Variants in VCP observed in about 807,000 individuals in gnomAD.
VCP encodes transitional endoplasmic reticulum ATPase.
In VCP, 6 loss-of-function variants were observed where a neutral mutation model predicts 85.7. The ratio of observed to expected loss-of-function variants is 0.07; its 90% CI spans 0.04 to 0.14. VCP has a LOEUF of 0.14. Ranked by LOEUF, VCP falls within the 10% of genes least tolerant of loss-of-function variation. The pLI is 1.00. For missense variants in VCP, 353 were observed against 1,043.4 expected (o/e 0.34, Z 9.12); for synonymous variants, 384 against 367.1 (o/e 1.05, Z -0.53).
intron 7 of VCP, 123 bp downstream of exon 7, chr9:35,062,855 G>T: frequency 2.2e-6 from 2 of 916,134 alleles, no homozygotes; most frequent in Non-Finnish European, 1.8e-6. Flanking sequence ...CCCAGCATAA[G>T]AAATATGCTA....
chr9:35,069,071 C>T (rs1828888449), intron 1 of VCP, among the ~76,000 whole-genome samples: 1 of 152,116 alleles, frequency 6.6e-6, no homozygotes, highest in Admixed American at 6.5e-5. Flanking sequence ...ATTGGTGCTA[C>T]CCTCCTTATA....
intron 15 of VCP, among the ~76,000 whole-genome samples, chr9:35,058,590 G>A (rs1984059): frequency 0.19 from 29,465 of 151,900 alleles, 3,082 homozygotes; most frequent in Middle Eastern, 0.26. Flanking sequence ...GTGAAACCAC[G>A]TTTCTACTAA....
intron 3 of VCP, among the ~76,000 whole-genome samples, chr9:35,067,585 G>A (rs1269938154): frequency 6.6e-6 from 1 of 152,136 alleles, no homozygotes; most frequent in Non-Finnish European, 1.5e-5. Context: ...ACACCCTCGA[G>A]TGGTATCCTA....
intron 9 of VCP, 67 bp from the exon 10 acceptor site, chr9:35,061,756 G>T: frequency 6.9e-7 from 1 of 1,444,112 alleles, no homozygotes; most frequent in Non-Finnish European, 9.8e-7. Flanking sequence ...CAGGCCTAGG[G>T]TGACCAACCA....
At chr9:35,058,301 G>T (rs1159804891) in intron 15 of VCP, among the ~76,000 whole-genome samples, 1 of 152,174 alleles carries the variant, frequency 6.6e-6, no homozygotes, top group Non-Finnish European at 1.5e-5. Flanking sequence ...CCCATGTTTG[G>T]AACTTAATGA....
At chr9:35,058,397 T>C (rs1413713066) in intron 15 of VCP, among the ~76,000 whole-genome samples, 1 of 152,158 alleles carries the variant, frequency 6.6e-6, no homozygotes, top group African/African-American at 2.4e-5. Flanking sequence ...ACACATGAAT[T>C]TGCCTTTTCA....
intron 13 of VCP, 107 bp downstream of exon 13, chr9:35,060,206 C>T: frequency 1.7e-6 from 2 of 1,154,296 alleles, no homozygotes; most frequent in Admixed American, 2.0e-5. Flanking sequence ...ACTTACTGTG[C>T]AGTTGAGCAG....
chr9:35,064,775 G>A (rs1381554736), intron 5 of VCP, among the ~76,000 whole-genome samples: 1 of 152,154 alleles, frequency 6.6e-6, no homozygotes, highest in Admixed American at 6.6e-5. Flanking sequence ...TGAAATTCCT[G>A]GCATTAGGTA....
intron 1 of VCP, 49 bp from the exon 2 acceptor site, chr9:35,068,411 G>A (rs777277316): frequency 1.7e-5 from 26 of 1,496,084 alleles, no homozygotes; most frequent in Non-Finnish European, 2.0e-5. Flanking sequence ...CAAGCGCCTC[G>A]CCAGTCTCTA....
chr9:35,056,187 G>C lies in VCP; in HGVS notation c.*930C>G, dbSNP rs771741211. On this transcript the variant is annotated 3_prime_UTR_variant, in exon 17 of 17. Transcript: ENST00000358901. ...TTTAGATGCATTAAAAGAGAGTATAGAGAATATCCACCTGCAAGTAAGATT... is the reference window on the plus strand; with the variant it reads ...TTTAGATGCATTAAAAGAGAGTATACAGAATATCCACCTGCAAGTAAGATT... 1 of 152,026 alleles carries C rather than the reference G, an allele frequency of 6.6e-6. No homozygotes were observed. The highest frequency in any genetic ancestry group is 1.5e-5 in the Non-Finnish European group (1 of 68,028). The allele number at this position is 152,026 out of a possible 1,614,324, so 9.4% of individuals were successfully genotyped here.
intron 7 of VCP, 29 bp from the exon 8 acceptor site, chr9:35,062,379 CA>C (rs1412424409): frequency 6.8e-6 from 11 of 1,613,846 alleles, no homozygotes; most frequent in Non-Finnish European, 9.3e-6. Context: ...GAGACAATAA[CA>C]AAATGATAGT....
At position 35,057,128 on chromosome 9, in the gene VCP, G is replaced by A. The variant is rs752679944; in HGVS notation, c.2410C>T (p.Leu804=). 9.9e-6 allele frequency: 16 copies of A among 1,613,986 alleles called. No individual in the cohort carries two copies. Among genetic ancestry groups the A allele is most frequent in the Non-Finnish European group, 1.4e-5 (16 of 1,180,028 alleles). ...SVYTEDNDDD[L]YG ...CTGGCCACCACCACTTAGCCATACA[G>A]GTCATCATCATTGTCTTCTGTGTAT... Residue 804 remains leucine, a synonymous_variant, in exon 17 of 17, where the codon CTG becomes TTG. Coordinates refer to ENST00000358901, the MANE Select transcript of VCP (RefSeq NM_007126.5).
In VCP at chr9:35,059,632, G is replaced by A; in HGVS notation, c.1865C>T (p.Ala622Val). 6.2e-7 allele frequency: 1 copy of A among 1,614,182 alleles called. No individual in the cohort carries two copies. The highest frequency in any genetic ancestry group is 8.5e-7 in the Non-Finnish European group (1 of 1,180,044). Residue 622 changes from alanine to valine, a missense_variant, in exon 14 of 17, where the codon GCT (alanine) becomes GTT (valine). By Grantham distance (64) the Ala-to-Val change is moderately conservative. This residue lies in a region of VCP where 30 missense variants were observed against 192.3 expected (regional missense o/e 0.16). Transcript: ENST00000358901. The surrounding 1 kb of genome is among the most constrained non-coding windows in gnomAD (Gnocchi z 4.9). ...STKKNVFIIG[A>V]TNRPDIIDPA... ...ATCAATGATGTCAGGCCGGTTGGTAGCGCCAATGATGAACACATTTTTTTT... is the reference window on the plus strand; with the variant it reads ...ATCAATGATGTCAGGCCGGTTGGTAACGCCAATGATGAACACATTTTTTTT...
chr9:35,057,427 T>C lies in VCP; in HGVS notation c.2264A>G (p.Tyr755Cys). 6.2e-7 allele frequency: 1 copy of C among 1,614,248 alleles called. No homozygotes were observed. Among genetic ancestry groups the C allele is most frequent in the Non-Finnish European group, 8.5e-7 (1 of 1,180,056 alleles). Residue 755 changes from tyrosine to cysteine, a missense_variant, in exon 16 of 17, where the codon TAT (tyrosine) becomes TGT (cysteine). Coordinates refer to ENST00000358901, the MANE Select transcript of VCP (RefSeq NM_007126.5). ...RSVSDNDIRK[Y>C]EMFAQTLQQS... ...CTGAAGGGTCTGGGCAAACATCTCA[T>C]ACTTCCGAATGTCATTGTCACTGAC...
At chr9:35,064,876 T>C (rs1004073078) in intron 5 of VCP, among the ~76,000 whole-genome samples, 7 of 152,176 alleles carry the variant, frequency 4.6e-5, no homozygotes, top group Non-Finnish European at 1.0e-4. Flanking sequence ...ACCCAGTCTT[T>C]TTCTTTTTTG....
chr9:35,067,851 T>C, intron 3 of VCP, 40 bp downstream of exon 3: 1 of 1,613,804 alleles, frequency 6.2e-7, no homozygotes, highest in Middle Eastern at 1.6e-4. Context: ...AGGCTATCTC[T>C]GGCCTCCCAT....
At chr9:35,068,393 TCCTGCC>T in intron 1 of VCP, 31 bp from the exon 2 acceptor site, 1 of 1,589,542 alleles carries the variant, frequency 6.3e-7, no homozygotes, top group Non-Finnish European at 8.6e-7. Flanking sequence ...CAGTAGATAC[TCCTGCC>T]CCAAGCGCCT....
At position 35,072,383 on chromosome 9, in the gene VCP, G is replaced by A. The variant is rs1268777418; in HGVS notation, c.-30C>T. 1 of 1,473,988 alleles carries A rather than the reference G, an allele frequency of 6.8e-7. No homozygotes were observed. 91.3% of individuals were successfully genotyped at this position (1,473,988 alleles called of 1,614,324 possible). A position where few individuals can be genotyped will look rare whatever the true frequency, so the allele number is the denominator to read the frequency against. On this transcript the variant is annotated 5_prime_UTR_variant, in exon 1 of 17. Coordinates refer to ENST00000358901, the MANE Select transcript of VCP (RefSeq NM_007126.5). ...CGCGCCTCTCCCGGCCGGCGGCTGT[G>A]GCGGCCCGCGGGTAACGGCTACGAG...
chr9:35,068,209 G>GT (rs1460640326), intron 2 of VCP, 42 bp downstream of exon 2: 21 of 1,607,486 alleles, frequency 1.3e-5, no homozygotes, highest in Non-Finnish European at 1.5e-5. Context: ...AATCCCTCAA[G>GT]TAAGTGCAGT....
Sources: gnomAD v4.1 joint callset for allele counts (sites outside exome capture counted in the v4.1 genomes callset) on GRCh38, gnomAD v4.1.1 for gene constraint, gnomAD v4.1.1 regional missense constraint, Gnocchi (gnomAD v3.1) non-coding constraint, MANE v1.5 for transcripts, NCBI Gene and HGNC (gene_info 2026-07-23, HGNC 2026-07-21) for gene names.